TP63: variants seen among roughly 807,000 people sequenced by gnomAD.
TP63 encodes tumor protein 63.
In TP63, 17 loss-of-function variants were observed where a neutral mutation model predicts 82.8. The ratio of observed to expected loss-of-function variants is 0.21; its 90% CI spans 0.14 to 0.31. The LOEUF is 0.31. Among genes scored for constraint, TP63 ranks in the 10% least tolerant of loss-of-function variants. The pLI is 1.00. For missense variants in TP63, 648 were observed against 895.3 expected, an observed-to-expected ratio of 0.72 and a Z score of 3.52; for synonymous variants, 330 against 321.7, an observed-to-expected ratio of 1.03 and a Z score of -0.28.
At chr3:189,825,664 C>A (rs1300339144) in intron 4 of TP63, among the ~76,000 whole-genome samples, 2 of 152,124 alleles carry the variant, frequency 1.3e-5, no homozygotes, top group African/African-American at 4.8e-5. Context: ...CTTCTCTATT[C>A]TTTCCCTTTA....
chr3:189,651,132 A>T (rs1444359582), intron 1 of TP63, among the ~76,000 whole-genome samples: 1 of 147,364 alleles, frequency 6.8e-6, no homozygotes, highest in Non-Finnish European at 1.5e-5. Flanking sequence ...TGTGACATTG[A>T]ACTTGAGAGA....
In TP63 at chr3:189,631,408, A is replaced by T. The variant is rs1410149840; in HGVS notation, c.-108A>T. On this transcript the variant is annotated 5_prime_UTR_variant, in exon 1 of 14. It removes the in-frame stop codon of an upstream open reading frame in the 5' UTR. Transcript: ENST00000264731. ...AAACTTCTATGTCTGATAGCATTTG[A>T]CCCTATTGCTTTTAGCCTCCCGGCT... The T allele has an allele frequency of 1.3e-6, 2 of 1,581,814 alleles. No individual in the cohort carries two copies. The highest frequency in any genetic ancestry group is 3.4e-5 in the Admixed American group (2 of 58,794).
intron 1 of TP63, among the ~76,000 whole-genome samples, chr3:189,728,820 G>T (rs1242820415): frequency 1.3e-5 from 2 of 152,140 alleles, no homozygotes; most frequent in Non-Finnish European, 2.9e-5. Context: ...AACAGCACAG[G>T]TGGCGGAGAA....
intron 4 of TP63, among the ~76,000 whole-genome samples, chr3:189,853,684 G>T (rs896757617): frequency 4.6e-5 from 7 of 152,008 alleles, no homozygotes; most frequent in Admixed American, 1.3e-4. Context: ...TTTTCTTATA[G>T]CACTTATCAC....
intron 1 of TP63, among the ~76,000 whole-genome samples, chr3:189,694,707 G>A (rs1004652208): frequency 1.6e-5 from 2 of 125,130 alleles, no homozygotes; most frequent in Non-Finnish European, 3.4e-5. Context: ...AGTCATGTTT[G>A]TTAGGTTTTT....
Position 189,861,116 on chromosome 3 carries a change from C to T in TP63, c.580-3116C>T, listed in dbSNP as rs566321144. Reference sequence around the variant, plus strand: ...ATGTTTAGTAGAGACTGGATTTCTCCATGTTGGCCAGGCATGTCTTGAGCT... The same window carrying T: ...ATGTTTAGTAGAGACTGGATTTCTCTATGTTGGCCAGGCATGTCTTGAGCT... On this transcript the variant is annotated intron_variant, in intron 4 of 13. Transcript: ENST00000264731. 2.6e-5 allele frequency among the ~76,000 whole-genome samples: 4 copies of T among 151,350 alleles called. No homozygotes were observed. In the East Asian group the frequency reaches 7.8e-4, roughly 30 times the overall value.
At chr3:189,652,546 C>A (rs1381463431) in intron 1 of TP63, among the ~76,000 whole-genome samples, 1 of 146,770 alleles carries the variant, frequency 6.8e-6, no homozygotes, top group Admixed American at 6.7e-5. Context: ...TGGGCTTGGA[C>A]TTTTGGGTTA....
chr3:189,887,677 A>G (rs1327762357), intron 11 of TP63, among the ~76,000 whole-genome samples: 1 of 152,166 alleles, frequency 6.6e-6, no homozygotes, highest in Non-Finnish European at 1.5e-5. Context: ...TGAACATTGC[A>G]TGGGTATCAT....
chr3:189,876,630 C>A (rs1226178749), intron 10 of TP63, among the ~76,000 whole-genome samples: 1 of 152,134 alleles, frequency 6.6e-6, no homozygotes, highest in Admixed American at 6.5e-5. Flanking sequence ...TAAATCTTTG[C>A]AAAATATAGA....
At chr3:189,617,257 T>G in the TP63 span, among the ~76,000 whole-genome samples, 6 of 152,240 alleles carry the variant, frequency 3.9e-5, no homozygotes, top group Admixed American at 3.9e-4. Context: ...TTCTGTGGGT[T>G]GACCAAGCAG....
intron 3 of TP63, 195 bp downstream of exon 3, chr3:189,738,969 T>C: frequency 1.4e-6 from 1 of 716,982 alleles, no homozygotes; most frequent in Non-Finnish European, 2.3e-6. Context: ...ATATCTATAA[T>C]ATATGTGTTT....
chr3:189,862,320 C>G (rs1303283612), intron 4 of TP63, among the ~76,000 whole-genome samples: 1 of 152,050 alleles, frequency 6.6e-6, no homozygotes, highest in Non-Finnish European at 1.5e-5. Context: ...TATTATTTAT[C>G]ATTAATTAAG....
At chr3:189,738,971 T>G in intron 3 of TP63, 197 bp downstream of exon 3, 1 of 709,536 alleles carries the variant, frequency 1.4e-6, no homozygotes, top group Non-Finnish European at 2.3e-6. Flanking sequence ...ATCTATAATA[T>G]ATGTGTTTCC....
intron 4 of TP63, among the ~76,000 whole-genome samples, chr3:189,824,097 G>C (rs933361152): frequency 9.9e-5 from 15 of 152,120 alleles, no homozygotes; most frequent in Admixed American, 8.5e-4. Flanking sequence ...CTCTCCTTGA[G>C]GAGAAACCAA....
intron 11 of TP63, among the ~76,000 whole-genome samples, chr3:189,887,807 G>A (rs575502948): frequency 6.6e-6 from 1 of 151,220 alleles, no homozygotes; most frequent in Non-Finnish European, 1.5e-5. Flanking sequence ...ATCAGGGGAG[G>A]CTAGGATTAT....
intron 3 of TP63, among the ~76,000 whole-genome samples, chr3:189,788,576 G>C (rs1724805640): frequency 6.6e-6 from 1 of 151,812 alleles, no homozygotes; most frequent in African/African-American, 2.4e-5. Context: ...TTGGGTCCCT[G>C]AGTGGGGGGT....
intron 1 of TP63, among the ~76,000 whole-genome samples, chr3:189,699,014 G>A (rs16864734): frequency 0.09 from 13,753 of 152,100 alleles, 668 homozygotes; most frequent in South Asian, 0.15. Context: ...TGCTGACCAC[G>A]GTTAGCTCCC....
intron 1 of TP63, among the ~76,000 whole-genome samples, chr3:189,656,567 G>T (rs914026424): frequency 4.9e-4 from 74 of 152,148 alleles, no homozygotes; most frequent in Non-Finnish European, 7.4e-5. Flanking sequence ...GACAGAGATT[G>T]TCAGGATAGA....
chr3:189,824,226 T>TA (rs1396878571), intron 4 of TP63, among the ~76,000 whole-genome samples: 24 of 151,036 alleles, frequency 1.6e-4, no homozygotes, highest in African/African-American at 2.9e-4. Flanking sequence ...TTATTATTAT[T>TA]TTTTTTTTGA....
Sources: allele counts gnomAD v4.1 joint callset (sites outside exome capture counted in the v4.1 genomes callset), GRCh38; gene constraint gnomAD v4.1.1; transcripts MANE v1.5; gene names NCBI Gene and HGNC (gene_info 2026-07-23, HGNC 2026-07-21).